Variants in WBP1L observed in about 807,000 individuals in gnomAD.
WBP1L encodes WW domain binding protein 1 like.
Under a neutral mutation model 33.7 loss-of-function variants are expected in WBP1L, and 17 were observed. The observed-to-expected ratio is 0.50, with a 90% CI of 0.34 to 0.76. The LOEUF (loss-of-function observed/expected upper bound fraction) is 0.76. Among genes scored for constraint, WBP1L ranks in the 30% least tolerant of loss-of-function variants. The probability of loss-of-function intolerance (pLI) is 0.01; values close to 1 mark genes in which losing one functional copy is unlikely to be tolerated. For missense variants in WBP1L, 389 were observed against 469.4 expected, an observed-to-expected ratio of 0.83 and a Z score of 1.58; for synonymous variants, 173 against 190.8, an observed-to-expected ratio of 0.91 and a Z score of 0.77.
At chr10:102,753,230 G>A (rs936614143) in intron 1 of WBP1L, among the ~76,000 whole-genome samples, 3 of 152,108 alleles carry the variant, frequency 2.0e-5, no homozygotes, top group African/African-American at 7.2e-5. Context: ...ACAGGCACAC[G>A]CTACAGCAAC....
intron 1 of WBP1L, among the ~76,000 whole-genome samples, chr10:102,785,670 G>A (rs1843405403): frequency 6.6e-6 from 1 of 152,154 alleles, no homozygotes; most frequent in Non-Finnish European, 1.5e-5. Flanking sequence ...ATGACAGTAG[G>A]CTAAACTGCC....
chr10:102,811,497 G>A (rs1011690305), intron 3 of WBP1L, among the ~76,000 whole-genome samples: 2 of 152,204 alleles, frequency 1.3e-5, no homozygotes, highest in African/African-American at 4.8e-5. Context: ...TTTCACAATT[G>A]TTTCTTTACA....
chr10:102,812,981 A>G lies in WBP1L; in HGVS notation c.742A>G (p.Ser248Gly). ...ECREELLKDDSSEHGAPDSKE... is the reference protein window; with the variant it reads ...ECREELLKDDGSEHGAPDSKE... ...TAGGGAGGAGCTGCTGAAAGATGAC[A>G]GCTCTGAACACGGCGCACCCGACAG... Residue 248 changes from serine to glycine, a missense_variant, in exon 4 of 4, where the codon AGC becomes GGC. Coordinates refer to ENST00000448841, the MANE Select transcript of WBP1L (RefSeq NM_001083913.2). 6.2e-7 allele frequency: 1 copy of G among 1,611,966 alleles called. No homozygotes were observed. Among genetic ancestry groups the G allele is most frequent in the Non-Finnish European group, 8.5e-7 (1 of 1,178,642 alleles).
At chr10:102,757,360 G>A (rs1425372388) in intron 1 of WBP1L, among the ~76,000 whole-genome samples, 1 of 152,214 alleles carries the variant, frequency 6.6e-6, no homozygotes, top group African/African-American at 2.4e-5. Context: ...GTGCCCTTGA[G>A]TGAGAAGAGT....
chr10:102,755,834 A>T (rs1003304726), intron 1 of WBP1L, among the ~76,000 whole-genome samples: 2 of 151,466 alleles, frequency 1.3e-5, no homozygotes, highest in Non-Finnish European at 2.9e-5. Flanking sequence ...TCACGAGGTC[A>T]GGAGATCGAG....
chr10:102,804,340 A>G (rs1432802760), intron 2 of WBP1L, among the ~76,000 whole-genome samples: 1 of 145,512 alleles, frequency 6.9e-6, no homozygotes, highest in African/African-American at 2.6e-5. Flanking sequence ...GTGAGCCGAG[A>G]TCACACCACT....
At chr10:102,805,902 A>G (rs1843726240) in intron 2 of WBP1L, among the ~76,000 whole-genome samples, 1 of 146,070 alleles carries the variant, frequency 6.8e-6, no homozygotes, top group Non-Finnish European at 1.5e-5. Flanking sequence ...TCTCTTAAAA[A>G]TAAGTTAAAA....
At chr10:102,765,233 A>G (rs2134034403) in intron 1 of WBP1L, among the ~76,000 whole-genome samples, 1 of 152,138 alleles carries the variant, frequency 6.6e-6, no homozygotes, top group South Asian at 2.1e-4. Flanking sequence ...TTTTAGCTTC[A>G]TTTTTATGAT....
At chr10:102,761,943 G>T (rs1225521372) in intron 1 of WBP1L, among the ~76,000 whole-genome samples, 1 of 152,164 alleles carries the variant, frequency 6.6e-6, no homozygotes, top group Non-Finnish European at 1.5e-5. Context: ...AAACTCCTGA[G>T]CTCAAGCAAT....
intron 1 of WBP1L, among the ~76,000 whole-genome samples, chr10:102,785,466 C>T (rs369538458): frequency 2.7e-5 from 4 of 149,942 alleles, no homozygotes; most frequent in East Asian, 3.9e-4. Flanking sequence ...GGATTACAGG[C>T]GTGAGCCACT....
chr10:102,778,983 C>T (rs549277833), intron 1 of WBP1L, among the ~76,000 whole-genome samples: 201 of 152,202 alleles, frequency 1.3e-3, no homozygotes, highest in Non-Finnish European at 2.3e-3. Flanking sequence ...GCTCAATTGT[C>T]TAGAGAAAGG....
chr10:102,810,023 C>T lies in WBP1L; in HGVS notation c.324C>T (p.Ala108=), dbSNP rs1247082028. 3 of 1,613,618 alleles carry T rather than the reference C, an allele frequency of 1.9e-6. No homozygotes were observed. Among genetic ancestry groups the T allele is most frequent in the Non-Finnish European group, 2.5e-6 (3 of 1,179,896 alleles). The change falls in exon 3 of 4, where the codon GCC becomes GCT. Residue 108 remains alanine, a synonymous_variant. Coordinates refer to ENST00000448841, the MANE Select transcript of WBP1L (RefSeq NM_001083913.2). The part of the protein sequence containing the change: ...HEINLIAYRE[A]HNYSALPFYF... ...TCAACCTGATCGCTTACCGAGAAGC[C>T]CACAATTACTCAGCGCTGCCATTTT... is the stretch of plus-strand genomic sequence containing the variant.
rs114197890 is a variant in WBP1L at position 102,804,839 on chromosome 10, A to G, written c.194-5054A>G. Among the ~76,000 whole-genome samples, 370 of 152,290 alleles carry G rather than the reference A, an allele frequency of 2.4e-3. 4 individuals are homozygous for G. The highest frequency in any genetic ancestry group is 8.2e-3 in the African/African-American group (339 of 41,552). ...AATTCATTAGTTAGACTTAGTCCCA[A>G]AGCCTCACCCAGTCACAAGGGGGTC... On this transcript the variant is annotated intron_variant, in intron 2 of 3. Coordinates refer to ENST00000448841, the MANE Select transcript of WBP1L (RefSeq NM_001083913.2).
Position 102,784,658 on chromosome 10 carries a change from C to G in WBP1L, c.91-13335C>G, listed in dbSNP as rs564026500. ...GCCAGGATGGTCTCGACCTCCTGAT[C>G]TCGTGATCTGCCCACCTTGGCCTCC... On this transcript the variant is annotated intron_variant, in intron 1 of 3. Transcript: ENST00000448841. 3.3e-5 allele frequency among the ~76,000 whole-genome samples: 5 copies of G among 152,160 alleles called. No homozygotes were observed. The East Asian group carries it at 9.7e-4, about 29-fold the overall frequency.
chr10:102,744,477 C>T, intron 1 of WBP1L: 1 of 985,138 alleles, frequency 1.0e-6, no homozygotes, highest in Non-Finnish European at 1.2e-6. Context: ...AGCAGGTGTC[C>T]CAGGCAGTAA....
At chr10:102,802,813 A>G (rs939582014) in intron 2 of WBP1L, among the ~76,000 whole-genome samples, 1 of 152,190 alleles carries the variant, frequency 6.6e-6, no homozygotes, top group African/African-American at 2.4e-5. Context: ...TCTTTATGGA[A>G]TACTTTTTGG....
At chr10:102,796,307 A>G (rs1445018075) in intron 1 of WBP1L, among the ~76,000 whole-genome samples, 1 of 152,094 alleles carries the variant, frequency 6.6e-6, no homozygotes, top group Non-Finnish European at 1.5e-5. Flanking sequence ...GTCATATCAG[A>G]ATGTAAAGTT....
rs993141694 is a variant in WBP1L, at chr10:102,801,786, C to T, written c.193+3691C>T. 3.3e-5 allele frequency among the ~76,000 whole-genome samples: 5 copies of T among 152,212 alleles called. No individual in the cohort carries two copies. The East Asian group carries it at 9.7e-4, about 29-fold the overall frequency. ...GAAGTGACACAAAACAGGCTATTAG[C>T]AAATCCTGTCAGTGCTGCCCAACTC... On this transcript the variant is annotated intron_variant, in intron 2 of 3. Transcript: ENST00000448841.
intron 1 of WBP1L, among the ~76,000 whole-genome samples, chr10:102,784,722 G>A (rs1843389428): frequency 6.6e-6 from 1 of 151,792 alleles, no homozygotes; most frequent in Admixed American, 6.6e-5. Flanking sequence ...ACCGCGCCCG[G>A]CGAATTTTTT....
Sources: gnomAD v4.1 joint callset for allele counts (sites outside exome capture counted in the v4.1 genomes callset) on GRCh38, gnomAD v4.1.1 for gene constraint, MANE v1.5 for transcripts, NCBI Gene and HGNC (gene_info 2026-07-23, HGNC 2026-07-21) for gene names.